ERC1: variants seen among roughly 807,000 people sequenced by gnomAD.
ERC1 encodes RAB6 interacting protein 2.
A neutral mutation model predicts 132.0 loss-of-function variants in ERC1; 56 were observed. That is an observed-to-expected ratio of 0.42 (90% CI 0.34 to 0.53). The LOEUF is 0.53. ERC1 is among the 20% of genes least tolerant of loss of function. The pLI is 0.03. For synonymous variants in ERC1, 478 were observed against 476.1 expected (o/e 1.00, Z -0.05); for missense variants, 1,202 against 1,349.9 (o/e 0.89, Z 1.72).
At chr12:1,339,617 C>T (rs572774580) in intron 15 of ERC1, among the ~76,000 whole-genome samples, 2 of 152,216 alleles carry the variant, frequency 1.3e-5, no homozygotes, top group African/African-American at 4.8e-5. Flanking sequence ...GCCAGGGTGC[C>T]TGCCCCCATG....
chr12:1,197,091 G>T (rs1293116769), intron 12 of ERC1, among the ~76,000 whole-genome samples: 2 of 146,956 alleles, frequency 1.4e-5, no homozygotes, highest in Non-Finnish European at 3.0e-5. Context: ...AGCGATTCTT[G>T]TGCGTCAGCC....
At chr12:1,394,275 C>T (rs572392641) in intron 16 of ERC1, among the ~76,000 whole-genome samples, 1 of 151,588 alleles carries the variant, frequency 6.6e-6, no homozygotes, top group South Asian at 2.1e-4. Context: ...TGGCGGGCTC[C>T]TGTAGTCCCA....
intron 12 of ERC1, among the ~76,000 whole-genome samples, chr12:1,195,614 T>C (rs1447640805): frequency 6.6e-6 from 1 of 152,216 alleles, no homozygotes; most frequent in African/African-American, 2.4e-5. Flanking sequence ...CTCCTGAACA[T>C]TATCTTGTCG....
At chr12:1,459,885 C>A (rs534654644) in intron 18 of ERC1, among the ~76,000 whole-genome samples, 1 of 152,260 alleles carries the variant, frequency 6.6e-6, no homozygotes, top group Non-Finnish European at 1.5e-5. Context: ...AAACAATCAC[C>A]TGAATTTAAC....
rs1177361506 is a variant in ERC1, at chr12:1,028,132, C to G, written c.229C>G (p.His77Asp). The G allele has an allele frequency of 6.2e-7, 1 of 1,614,126 alleles. No homozygotes were observed. The highest frequency in any genetic ancestry group is 8.5e-7 in the Non-Finnish European group (1 of 1,180,016). Reference protein sequence around the residue: ...ATSGPMYLSDHENVGSETPKS... With the variant: ...ATSGPMYLSDDENVGSETPKS... ...CTCTGGCCCTATGTATCTAAGTGAC[C>G]ATGAAAATGTGGGTTCAGAAACACC... Residue 77 changes from histidine to aspartate, a missense_variant, in exon 2 of 19, where the codon CAT (histidine) becomes GAT (aspartate). Physicochemically the swap from His to Asp is moderately conservative, Grantham distance 81. Transcript: ENST00000360905.
rs549819846 is a variant in ERC1 at position 1,491,814 on chromosome 12, G to A, written c.*1584G>A. 3.9e-4 allele frequency: 90 copies of A among 232,258 alleles called. No individual in the cohort carries two copies. The highest frequency in any genetic ancestry group is 1.9e-3 in the African/African-American group (84 of 45,384). The allele number at this position is 232,258 out of a possible 1,614,324, so 14.4% of individuals were successfully genotyped here. ...TGAAGGTATTGGCATTGTTAAGGAC[G>A]TAGCGTAGACAACAGCAGTCATAAA... On this transcript the variant is annotated 3_prime_UTR_variant, in exon 19 of 19. Coordinates refer to ENST00000360905, the MANE Select transcript of ERC1 (RefSeq NM_178040.4).
intron 17 of ERC1, among the ~76,000 whole-genome samples, chr12:1,438,529 A>G (rs1298016821): frequency 6.6e-6 from 1 of 152,250 alleles, no homozygotes; most frequent in Non-Finnish European, 1.5e-5. Flanking sequence ...GGTAAAAAGA[A>G]CAAAAAGATT....
At chr12:1,039,888 TAC>T (rs1969880921) in intron 2 of ERC1, among the ~76,000 whole-genome samples, 1 of 152,226 alleles carries the variant, frequency 6.6e-6, no homozygotes, top group South Asian at 2.1e-4. Flanking sequence ...CATTAGAAGA[TAC>T]AGTTTTATAT....
chr12:1,136,084 G>T (rs752266578), intron 7 of ERC1, among the ~76,000 whole-genome samples: 1 of 152,174 alleles, frequency 6.6e-6, no homozygotes, highest in African/African-American at 2.4e-5. Flanking sequence ...TTCTTCATCA[G>T]AAACCTGGGA....
At chr12:1,149,222 G>A (rs1950630752) in intron 8 of ERC1, among the ~76,000 whole-genome samples, 1 of 151,844 alleles carries the variant, frequency 6.6e-6, no homozygotes, top group Non-Finnish European at 1.5e-5. Context: ...GTATTTTTAG[G>A]CAGGAGTAAC....
intron 17 of ERC1, among the ~76,000 whole-genome samples, chr12:1,417,807 A>G (rs992532326): frequency 2.0e-5 from 3 of 151,792 alleles, no homozygotes; most frequent in African/African-American, 7.3e-5. Flanking sequence ...AAGATTTTGG[A>G]AAAGAGTTAT....
intron 6 of ERC1, among the ~76,000 whole-genome samples, chr12:1,113,227 G>A (rs1345331315): frequency 2.0e-5 from 3 of 152,210 alleles, no homozygotes; most frequent in Admixed American, 2.0e-4. Flanking sequence ...CTTGGAACCA[G>A]TCCCCCATGG....
intron 2 of ERC1, among the ~76,000 whole-genome samples, chr12:1,057,252 T>C (rs1185312270): frequency 6.6e-6 from 1 of 152,070 alleles, no homozygotes; most frequent in Non-Finnish European, 1.5e-5. Flanking sequence ...GCCTCCTGAG[T>C]AGCTGGGATT....
chr12:1,165,070 A>G (rs753107836), intron 8 of ERC1, among the ~76,000 whole-genome samples: 2 of 152,244 alleles, frequency 1.3e-5, no homozygotes, highest in Non-Finnish European at 2.9e-5. Context: ...ACCACAGAGT[A>G]TAAATGTAAT....
At chr12:1,314,316 A>G (rs2081535121) in intron 15 of ERC1, among the ~76,000 whole-genome samples, 1 of 152,214 alleles carries the variant, frequency 6.6e-6, no homozygotes. Flanking sequence ...TAATAAAATT[A>G]TAAGAAAATA....
At chr12:1,136,253 T>C (rs1003133303) in intron 7 of ERC1, among the ~76,000 whole-genome samples, 2 of 152,222 alleles carry the variant, frequency 1.3e-5, no homozygotes, top group African/African-American at 2.4e-5. Context: ...TCTCTATTCA[T>C]AGCTCTCTGA....
intron 2 of ERC1, among the ~76,000 whole-genome samples, chr12:1,067,826 T>C (rs984830440): frequency 3.3e-5 from 5 of 152,212 alleles, no homozygotes; most frequent in African/African-American, 1.2e-4. Flanking sequence ...ATCATGATCA[T>C]GTATGAGCTA....
rs756744356 is a variant in ERC1, at chr12:1,054,619, A to G, written c.669+26047A>G. Among the ~76,000 whole-genome samples the G allele has an allele frequency of 3.9e-5, 6 of 152,056 alleles. No individual in the cohort carries two copies. The South Asian group carries it at 1.0e-3, about 26-fold the overall frequency. On this transcript the variant is annotated intron_variant, in intron 2 of 18. Transcript: ENST00000360905. The stretch of plus-strand genomic sequence containing the variant: ...ATCTGGGATGGCATGCTTTGTGAGT[A>G]TCTGTATGGTTTCCCAATGAGAGAA...
intron 8 of ERC1, among the ~76,000 whole-genome samples, chr12:1,167,497 T>G (rs1952540742): frequency 6.6e-6 from 1 of 152,232 alleles, no homozygotes; most frequent in Non-Finnish European, 1.5e-5. Flanking sequence ...TTTTTCCTGC[T>G]ACACCAGTAT....
Sources: allele counts gnomAD v4.1 joint callset (sites outside exome capture counted in the v4.1 genomes callset), GRCh38; gene constraint gnomAD v4.1.1; transcripts MANE v1.5; gene names NCBI Gene and HGNC (gene_info 2026-07-23, HGNC 2026-07-21).